Variants in TEK observed in about 807,000 individuals in gnomAD.
TEK encodes TEK receptor tyrosine kinase, also known as angiopoietin-1 receptor.
Under a neutral mutation model 131.8 loss-of-function variants are expected in TEK, and 43 were observed. The ratio of observed to expected loss-of-function variants is 0.33; its 90% CI spans 0.26 to 0.42. The LOEUF (loss-of-function observed/expected upper bound fraction) is 0.42. Ranked by LOEUF, TEK falls within the 10% of genes least tolerant of loss-of-function variation. The pLI, the probability that TEK is intolerant of heterozygous loss-of-function variation, is 1.00. For missense variants in TEK, 1,162 were observed against 1,384.4 expected, an observed-to-expected ratio of 0.84 and a Z score of 2.55; for synonymous variants, 580 against 491.6, an observed-to-expected ratio of 1.18 and a Z score of -2.38.
chr9:27,111,556 T>C (rs995469831), intron 1 of TEK, among the ~76,000 whole-genome samples: 1 of 152,122 alleles, frequency 6.6e-6, no homozygotes, highest in African/African-American at 2.4e-5. Flanking sequence ...AGCCACTTTT[T>C]TTTAGTGAAG....
intron 1 of TEK, among the ~76,000 whole-genome samples, chr9:27,112,985 T>C (rs1047102019): frequency 6.6e-6 from 1 of 152,216 alleles, no homozygotes; most frequent in Non-Finnish European, 1.5e-5. Context: ...AGCTGTCATA[T>C]GTTGTATTAG....
chr9:27,178,250 T>C (rs1487005185), intron 6 of TEK, among the ~76,000 whole-genome samples: 1 of 152,228 alleles, frequency 6.6e-6, no homozygotes, highest in South Asian at 2.1e-4. Flanking sequence ...CTTCATACTT[T>C]TGTTGAATCT....
chr9:27,159,462 A>G (rs554414284), intron 2 of TEK, among the ~76,000 whole-genome samples: 161 of 152,330 alleles, frequency 1.1e-3, no homozygotes, highest in Non-Finnish European at 1.6e-3. Context: ...ATGAAGAATT[A>G]GGGCCCTCTT....
intron 1 of TEK, among the ~76,000 whole-genome samples, chr9:27,135,747 T>C (rs988945416): frequency 9.0e-6 from 1 of 110,636 alleles, no homozygotes; most frequent in African/African-American, 3.6e-5. Context: ...ACTCTGACCA[T>C]GAAGCTTCCT....
At chr9:27,213,189 T>C (rs914490591) in intron 17 of TEK, among the ~76,000 whole-genome samples, 2 of 152,222 alleles carry the variant, frequency 1.3e-5, no homozygotes, top group African/African-American at 2.4e-5. Flanking sequence ...TAAGCTCTCT[T>C]AGCCTGGTTT....
intron 1 of TEK, among the ~76,000 whole-genome samples, chr9:27,141,126 T>G (rs945352650): frequency 1.3e-5 from 2 of 152,186 alleles, no homozygotes; most frequent in African/African-American, 4.8e-5. Flanking sequence ...ATAGGTCACT[T>G]AAAACATTTA....
chr9:27,152,608 A>G (rs1391083977), intron 1 of TEK, among the ~76,000 whole-genome samples: 2 of 147,318 alleles, frequency 1.4e-5, no homozygotes, highest in South Asian at 2.3e-4. Context: ...GCCGCAAAAA[A>G]ATAAAATAAA....
At chr9:27,210,478 GGA>G in intron 16 of TEK, 1 of 190,702 alleles carries the variant, frequency 5.2e-6, no homozygotes, top group East Asian at 1.3e-4. Context: ...CCAGTTTTCT[GGA>G]AAAAGGCTAA....
chr9:27,114,583 A>G (rs1322784245), intron 1 of TEK, among the ~76,000 whole-genome samples: 2 of 152,182 alleles, frequency 1.3e-5, no homozygotes, highest in Non-Finnish European at 2.9e-5. Context: ...AAAAAAATAA[A>G]AAAAAATTTA....
At chr9:27,135,895 C>G (rs1482573847) in intron 1 of TEK, among the ~76,000 whole-genome samples, 1 of 152,158 alleles carries the variant, frequency 6.6e-6, no homozygotes, top group East Asian at 1.9e-4. Context: ...ATGTGCAGAG[C>G]CCAAGTCACT....
rs750326905 is a variant in TEK at position 27,209,082 on chromosome 9, G to A, written c.2576-39G>A. ...ACGGGACAGCTGATTCTGAAAAGGT[G>A]TAACAAAGAAGAATCACAACCCTTG... On this transcript the variant is annotated intron_variant, in intron 15 of 22. Transcript: ENST00000380036. 2.7e-6 allele frequency: 4 copies of A among 1,455,258 alleles called. No homozygotes were observed. In the Admixed American group the frequency reaches 5.0e-5, roughly 18 times the overall value. The allele number at this position is 1,455,258 out of a possible 1,614,324, so 90.1% of individuals were successfully genotyped here.
intron 18 of TEK, 147 bp from the exon 19 acceptor site, chr9:27,217,541 T>A (rs1321355489): frequency 1.4e-6 from 1 of 720,698 alleles, no homozygotes; most frequent in Non-Finnish European, 2.5e-6. Context: ...TGTTTTGAAA[T>A]TTGAAAACAC....
rs140746010 is a variant in TEK, at chr9:27,209,960, G to A, written c.2686+729G>A. 1.5e-4 allele frequency among the ~76,000 whole-genome samples: 23 copies of A among 152,192 alleles called. 1 individual carries two copies. Among genetic ancestry groups the A allele is most frequent in the East Asian group, 1.3e-3 (7 of 5,186 alleles). ...AATCTCTGCTTAAACTTCACTTCTC[G>A]TGGAAAAGTTTGCTCCCACAAAAAG... On this transcript the variant is annotated intron_variant, in intron 16 of 22. Transcript: ENST00000380036.
Position 27,213,565 on chromosome 9 carries a change from C to A in TEK, c.2959C>A (p.Arg987=). ...VAKIADFGLS[R]GQEVYVKKTM... Reference sequence around the variant, plus strand: ...AAAAATAGCAGATTTTGGATTGTCCCGAGGTCAAGAGGTGTATGTGAAAAA... The same window carrying A: ...AAAAATAGCAGATTTTGGATTGTCCAGAGGTCAAGAGGTGTATGTGAAAAA... The change falls in exon 18 of 23, where the codon CGA becomes AGA. Residue 987 remains arginine (R), a synonymous_variant. Coordinates refer to ENST00000380036, the MANE Select transcript of TEK (RefSeq NM_000459.5). 6.2e-7 allele frequency: 1 copy of A among 1,613,720 alleles called. No individual in the cohort carries two copies.
chr9:27,187,572 T>C (rs1353052012), intron 9 of TEK, among the ~76,000 whole-genome samples: 1 of 152,204 alleles, frequency 6.6e-6, no homozygotes, highest in Non-Finnish European at 1.5e-5. Flanking sequence ...TTAGAAAGGA[T>C]ACACTAATCA....
chr9:27,162,922 G>A (rs1468047245), intron 2 of TEK, among the ~76,000 whole-genome samples: 1 of 152,084 alleles, frequency 6.6e-6, no homozygotes, highest in Non-Finnish European at 1.5e-5. Context: ...TACCATGTTG[G>A]CCGGGGTGGT....
intron 2 of TEK, among the ~76,000 whole-genome samples, chr9:27,167,861 G>GTT (rs35339701): frequency 2.4e-4 from 36 of 150,286 alleles, no homozygotes; most frequent in South Asian, 1.9e-3. Flanking sequence ...TTTCATTCAT[G>GTT]TTTTTTTTTT....
At chr9:27,184,187 T>C (rs975495943) in intron 8 of TEK, among the ~76,000 whole-genome samples, 1 of 152,188 alleles carries the variant, frequency 6.6e-6, no homozygotes, top group African/African-American at 2.4e-5. Context: ...TACCCACCTC[T>C]TCCCTTTGCC....
intron 12 of TEK, among the ~76,000 whole-genome samples, chr9:27,202,262 G>A (rs1240804568): frequency 1.3e-5 from 2 of 152,024 alleles, no homozygotes; most frequent in African/African-American, 4.8e-5. Flanking sequence ...TGTATACACT[G>A]ACCTGCCTGC....
Sources: allele counts gnomAD v4.1 joint callset (sites outside exome capture counted in the v4.1 genomes callset), GRCh38; gene constraint gnomAD v4.1.1; transcripts MANE v1.5; gene names NCBI Gene and HGNC (gene_info 2026-07-23, HGNC 2026-07-21).